The following ARHGEF3 variants were observed in gnomAD, a reference collection of about 807,000 sequenced individuals.
The protein encoded by ARHGEF3 is 59.8 kDA protein.
In ARHGEF3, 28 loss-of-function variants were observed where a neutral mutation model predicts 63.2. That is an observed-to-expected ratio of 0.44 (90% CI 0.33 to 0.61). The LOEUF (loss-of-function observed/expected upper bound fraction) is 0.61. ARHGEF3 is among the 20% of genes least tolerant of loss of function. The probability of loss-of-function intolerance (pLI) is 0.03; values close to 1 mark genes in which losing one functional copy is unlikely to be tolerated. For synonymous variants in ARHGEF3, 266 were observed against 254.2 expected, an observed-to-expected ratio of 1.05 and a Z score of -0.44; for missense variants, 533 against 659.3, an observed-to-expected ratio of 0.81 and a Z score of 2.10.
intron 1 of ARHGEF3, among the ~76,000 whole-genome samples, chr3:56,800,885 A>G (rs569246152): frequency 6.6e-6 from 1 of 152,212 alleles, no homozygotes. Flanking sequence ...ACCCTCAAAG[A>G]GAGGGATGCT....
In ARHGEF3 at chr3:56,800,060, T is replaced by C. The variant is rs547037888; in HGVS notation, c.96+1643A>G. On this transcript the variant is annotated intron_variant, in intron 1 of 9. Coordinates refer to ENST00000296315, the MANE Select transcript of ARHGEF3 (RefSeq NM_019555.3). ...TGATAAGTTTCATATTTGTGATATATAGACATATCTATATTCTATGTATAA... is the reference window on the plus strand; with the variant it reads ...TGATAAGTTTCATATTTGTGATATACAGACATATCTATATTCTATGTATAA... Among the ~76,000 whole-genome samples, 4 of 152,344 alleles carry C rather than the reference T, an allele frequency of 2.6e-5. No individual in the cohort carries two copies. In the South Asian group the frequency reaches 8.3e-4, roughly 32 times the overall value.
At chr3:56,993,277 C>G (rs981780128) in intron 2 of ARHGEF3, among the ~76,000 whole-genome samples, 1 of 152,202 alleles carries the variant, frequency 6.6e-6, no homozygotes, top group Non-Finnish European at 1.5e-5. Context: ...TTTTTGCTCT[C>G]TTTCCTGGCA....
intron 4 of ARHGEF3, among the ~76,000 whole-genome samples, chr3:56,837,375 C>A (rs967433609): frequency 1.3e-5 from 2 of 152,180 alleles, no homozygotes; most frequent in African/African-American, 4.8e-5. Flanking sequence ...TGCATTAACG[C>A]CACAATCCCA....
chr3:56,754,833 CT>C, intron 3 of ARHGEF3, 147 bp downstream of exon 3: 3 of 1,064,094 alleles, frequency 2.8e-6, no homozygotes, highest in Non-Finnish European at 3.9e-6. Flanking sequence ...TTCTCAGTTC[CT>C]TCCCCAAGGT....
chr3:57,065,007 A>G (rs1410963625), intron 1 of ARHGEF3, among the ~76,000 whole-genome samples: 1 of 152,264 alleles, frequency 6.6e-6, no homozygotes, highest in Non-Finnish European at 1.5e-5. Context: ...ATTATTTCAA[A>G]AAGTTTTGCT....
In ARHGEF3 at chr3:56,971,860, T is replaced by TA. The variant is rs201555101; in HGVS notation, c.63-12972dup. Among the ~76,000 whole-genome samples the TA allele has an allele frequency of 2.9e-3, 433 of 151,138 alleles. 7 individuals are homozygous for TA. The highest frequency in any genetic ancestry group is 9.9e-3 in the African/African-American group (409 of 41,140). On this transcript the variant is annotated intron_variant, in intron 2 of 12. Coordinates refer to the ARHGEF3 transcript ENST00000338458. ...CAGAGCGAGACTCCATCTCAAAAAA[T>TA]AAAAAAAAATTTTAAAAAGCACTTT... is the stretch of plus-strand genomic sequence containing the variant.
chr3:56,744,156 T>C (rs1021027008), intron 7 of ARHGEF3, among the ~76,000 whole-genome samples: 4 of 152,176 alleles, frequency 2.6e-5, no homozygotes, highest in African/African-American at 7.2e-5. Flanking sequence ...TGATCCATGA[T>C]ATTCCCCAGG....
chr3:56,757,472 C>T (rs886737815), intron 2 of ARHGEF3, among the ~76,000 whole-genome samples: 10 of 150,114 alleles, frequency 6.7e-5, no homozygotes, highest in Non-Finnish European at 1.5e-4. Flanking sequence ...GAGACTCCGT[C>T]TCAGAAAAAA....
chr3:57,014,631 C>T (rs962351751), intron 2 of ARHGEF3, among the ~76,000 whole-genome samples: 2 of 151,832 alleles, frequency 1.3e-5, no homozygotes, highest in African/African-American at 2.4e-5. Context: ...AACAGATTAA[C>T]AGTTAACATA....
At position 56,732,340 on chromosome 3, in the gene ARHGEF3, G is replaced by A. The variant is rs201007278; in HGVS notation, c.1126C>T (p.Arg376Cys). The A allele has an allele frequency of 6.2e-5, 100 of 1,614,096 alleles. No homozygotes were observed. The highest frequency in any genetic ancestry group is 7.4e-5 in the Non-Finnish European group (87 of 1,180,060). Residue 376 changes from arginine to cysteine, a missense_variant, in exon 9 of 10, where the codon CGT becomes TGT. Physicochemically the swap from Arg to Cys is radical, Grantham distance 180 (BLOSUM62 -3). Transcript: ENST00000296315. ...AGGTCTTTCACGGGGATTGGCTGAC[G>A]GTACAGCTGGTAGCAAAGCTGCTCA... ...HNEQLCYQLY[R>C]QPIPVKDLLL...
intron 4 of ARHGEF3, among the ~76,000 whole-genome samples, chr3:56,831,991 G>A (rs1166366441): frequency 1.3e-5 from 2 of 152,194 alleles, no homozygotes; most frequent in African/African-American, 2.4e-5. Flanking sequence ...GAACTTTGAC[G>A]TTCTTCCTAA....
At chr3:56,987,493 G>GA (rs1392793721) in intron 2 of ARHGEF3, among the ~76,000 whole-genome samples, 2 of 152,172 alleles carry the variant, frequency 1.3e-5, no homozygotes, top group African/African-American at 4.8e-5. Context: ...TCTGCAGGCA[G>GA]GAGGGAAGGA....
intron 3 of ARHGEF3, among the ~76,000 whole-genome samples, chr3:56,895,463 TA>T (rs1449342540): frequency 8.8e-4 from 81 of 91,804 alleles, no homozygotes; most frequent in African/African-American, 4.1e-3. Flanking sequence ...CTTATTTATT[TA>T]TTTATTTATT....
At chr3:57,074,150 T>C (rs1706092586) in intron 1 of ARHGEF3, 1 of 1,614,138 alleles carries the variant, frequency 6.2e-7, no homozygotes, top group Non-Finnish European at 8.5e-7. Flanking sequence ...AGGATATAGA[T>C]GCCGAGCCCA....
rs1412393457 is a variant in ARHGEF3, at chr3:57,028,702, AT to A, written c.62+6385del. Among the ~76,000 whole-genome samples the A allele has an allele frequency of 2.4e-3, 339 of 141,716 alleles. 1 individual carries two copies. The highest frequency in any genetic ancestry group is 8.1e-3 in the African/African-American group (288 of 35,494). The allele number at this position is 141,716 out of a possible 152,430, so 93.0% of individuals were successfully genotyped here. A position where few individuals can be genotyped will look rare whatever the true frequency, so the allele number is the denominator to read the frequency against. ...AAACTTAAAGTATAATAAAAAAAAA[AT>A]AAATAAATAAATAAAAAAAAAAGAA... On this transcript the variant is annotated intron_variant, in intron 2 of 12. Coordinates refer to the ARHGEF3 transcript ENST00000338458.
rs1560091973 is a variant in ARHGEF3 at position 56,967,461 on chromosome 3, T to TATATTATATATTATATATTATAC, written c.63-8573_63-8572insGTATAATATATAATATATAATAT. The stretch of plus-strand genomic sequence containing the variant: ...AATATATTATATATTATACATATTA[T>TATATTATATATTATATATTATAC]ATATTATATAATATATTATATAATA... On this transcript the variant is annotated intron_variant, in intron 2 of 12. Transcript: ENST00000338458. 5.6e-4 allele frequency among the ~76,000 whole-genome samples: 37 copies of TATATTATATATTATATATTATAC among 65,652 alleles called. 4 individuals carry two copies. The highest frequency in any genetic ancestry group is 2.3e-3 in the African/African-American group (36 of 15,588). 43.1% of individuals were successfully genotyped at this position (65,652 alleles called of 152,430 possible).
At chr3:57,000,960 G>C (rs1362632003) in intron 2 of ARHGEF3, among the ~76,000 whole-genome samples, 3 of 151,626 alleles carry the variant, frequency 2.0e-5, no homozygotes, top group African/African-American at 7.3e-5. Flanking sequence ...TTTTTTTAGA[G>C]ACAGGGTCTT....
chr3:56,739,986 G>A (rs1027139398), intron 7 of ARHGEF3, among the ~76,000 whole-genome samples: 5 of 150,658 alleles, frequency 3.3e-5, no homozygotes, highest in East Asian at 3.9e-4. Context: ...TGCAACCTCC[G>A]CCTCCTGGAT....
At chr3:56,899,665 C>G (rs185772687) in intron 3 of ARHGEF3, among the ~76,000 whole-genome samples, 1 of 152,220 alleles carries the variant, frequency 6.6e-6, no homozygotes, top group East Asian at 1.9e-4. Context: ...AAAGGTGATT[C>G]ACAAATGAGT....
Sources: allele counts gnomAD v4.1 joint callset (sites outside exome capture counted in the v4.1 genomes callset), GRCh38; gene constraint gnomAD v4.1.1; transcripts MANE v1.5; gene names NCBI Gene and HGNC (gene_info 2026-07-23, HGNC 2026-07-21).